Variants in CNTNAP5 observed in about 807,000 individuals in gnomAD.
CNTNAP5 encodes contactin-associated protein-like 5.
CNTNAP5 carries 72 observed loss-of-function variants against 150.2 expected under a neutral mutation model. That is an observed-to-expected ratio of 0.48 (90% CI 0.40 to 0.58). The LOEUF is 0.58. Ranked by LOEUF, CNTNAP5 falls within the 20% of genes least tolerant of loss-of-function variation. CNTNAP5 has a pLI of 0.00. For synonymous variants in CNTNAP5, 672 were observed against 619.8 expected (o/e 1.08, Z -1.25); for missense variants, 1,636 against 1,626.2 (o/e 1.01, Z -0.10).
At chr2:124,804,631 T>C (rs574149029) in intron 19 of CNTNAP5, among the ~76,000 whole-genome samples, 3 of 152,216 alleles carry the variant, frequency 2.0e-5, no homozygotes, top group African/African-American at 7.2e-5. Context: ...TTGAATGCCA[T>C]GTGAGGACAC....
chr2:124,290,575 T>G (rs373289247), intron 3 of CNTNAP5, among the ~76,000 whole-genome samples: 38 of 152,338 alleles, frequency 2.5e-4, no homozygotes, highest in African/African-American at 8.9e-4. Flanking sequence ...CACCTTTGTT[T>G]AGGCAAGTCC....
At chr2:124,364,373 C>A (rs892484720) in intron 3 of CNTNAP5, among the ~76,000 whole-genome samples, 8 of 152,172 alleles carry the variant, frequency 5.3e-5, no homozygotes, top group Admixed American at 2.6e-4. Context: ...AACGTTGCAA[C>A]CTGCCTCACT....
At chr2:124,051,307 G>T (rs1025490430) in intron 1 of CNTNAP5, among the ~76,000 whole-genome samples, 5 of 152,132 alleles carry the variant, frequency 3.3e-5, no homozygotes, top group African/African-American at 1.2e-4. Flanking sequence ...TCTGATGCAG[G>T]CTCCACTCTA....
At chr2:124,666,319 G>A (rs959325060) in intron 13 of CNTNAP5, among the ~76,000 whole-genome samples, 3 of 152,140 alleles carry the variant, frequency 2.0e-5, no homozygotes, top group African/African-American at 7.2e-5. Flanking sequence ...TAAAAATTTG[G>A]AGTCAGCAGA....
chr2:124,055,637 A>T lies in CNTNAP5; in HGVS notation c.82+29905A>T, dbSNP rs534588514. Among the ~76,000 whole-genome samples, 13 of 36,040 alleles carry T rather than the reference A, an allele frequency of 3.6e-4. No individual in the cohort carries two copies. The South Asian group carries it at 6.7e-3, about 18-fold the overall frequency. 23.6% of individuals were successfully genotyped at this position (36,040 alleles called of 152,430 possible). A position where few individuals can be genotyped will look rare whatever the true frequency, so the allele number is the denominator to read the frequency against. On this transcript the variant is annotated intron_variant, in intron 1 of 23. Coordinates refer to ENST00000682447, the MANE Select transcript of CNTNAP5 (RefSeq NM_001367498.1). ...GACCATGGAAACTGAGAGAATCCCAAGTCTTTGTCCCCATCCTGACCTGGA... is the reference window on the plus strand; with the variant it reads ...GACCATGGAAACTGAGAGAATCCCATGTCTTTGTCCCCATCCTGACCTGGA...
chr2:124,261,009 T>C (rs1687439703), intron 3 of CNTNAP5, among the ~76,000 whole-genome samples: 1 of 152,168 alleles, frequency 6.6e-6, no homozygotes, highest in Non-Finnish European at 1.5e-5. Flanking sequence ...ATTTTTATTT[T>C]TTGTGGGTGG....
At chr2:124,726,954 T>C (rs1395090625) in intron 13 of CNTNAP5, among the ~76,000 whole-genome samples, 2 of 152,138 alleles carry the variant, frequency 1.3e-5, no homozygotes, top group East Asian at 3.9e-4. Flanking sequence ...TCTTCTGTTA[T>C]TTTTACAGGT....
chr2:124,087,649 G>A (rs1682723054), intron 1 of CNTNAP5, among the ~76,000 whole-genome samples: 1 of 151,818 alleles, frequency 6.6e-6, no homozygotes. Context: ...TTGAATCTGG[G>A]AGGCGGAGGT....
chr2:124,217,209 C>G (rs879326103), intron 1 of CNTNAP5, among the ~76,000 whole-genome samples: 1 of 151,332 alleles, frequency 6.6e-6, no homozygotes, highest in Admixed American at 6.7e-5. Context: ...TGAGAGAAGC[C>G]TTTTAGTCTC....
Position 124,570,679 on chromosome 2 carries a change from G to A in CNTNAP5, c.1756+7356G>A, listed in dbSNP as rs141867778. Reference sequence around the variant, plus strand: ...GAAGATGGAAGGTGTGGGTACTAGGGACAGATACTGGATGCAATTTGCAAT... The same window carrying A: ...GAAGATGGAAGGTGTGGGTACTAGGAACAGATACTGGATGCAATTTGCAAT... On this transcript the variant is annotated intron_variant, in intron 11 of 23. Transcript: ENST00000682447. 5.8e-4 allele frequency among the ~76,000 whole-genome samples: 89 copies of A among 152,210 alleles called. 1 individual carries two copies. The East Asian group carries it at 0.015, about 26-fold the overall frequency.
intron 13 of CNTNAP5, among the ~76,000 whole-genome samples, chr2:124,742,137 C>G (rs988586654): frequency 6.6e-6 from 1 of 152,176 alleles, no homozygotes; most frequent in Admixed American, 6.5e-5. Context: ...GTTGAAATGA[C>G]TGGGGGAAGT....
chr2:124,541,162 AG>A (rs1443133342), intron 10 of CNTNAP5, among the ~76,000 whole-genome samples: 1 of 105,220 alleles, frequency 9.5e-6, no homozygotes, highest in Non-Finnish European at 2.2e-5. Flanking sequence ...TTAGAGGATA[AG>A]AAGTACAAAA....
chr2:124,038,885 A>G lies in CNTNAP5; in HGVS notation c.82+13153A>G, dbSNP rs1160332421. On this transcript the variant is annotated intron_variant, in intron 1 of 23. Coordinates refer to ENST00000682447, the MANE Select transcript of CNTNAP5 (RefSeq NM_001367498.1). ...TGGAATCCCACCTCAGTCATGGTCC[A>G]TGCCTGGCTGGTGCACAGCAGCAGA... 2.6e-5 allele frequency among the ~76,000 whole-genome samples: 4 copies of G among 152,318 alleles called. No individual in the cohort carries two copies. In the East Asian group the frequency reaches 7.7e-4, roughly 29 times the overall value.
chr2:124,271,344 C>T (rs1483814693), intron 3 of CNTNAP5, among the ~76,000 whole-genome samples: 1 of 152,062 alleles, frequency 6.6e-6, no homozygotes, highest in African/African-American at 2.4e-5. Context: ...AGTAGTGTGG[C>T]TGACATTCTG....
At chr2:124,294,126 T>G (rs1688365589) in intron 3 of CNTNAP5, among the ~76,000 whole-genome samples, 1 of 152,162 alleles carries the variant, frequency 6.6e-6, no homozygotes, top group Admixed American at 6.5e-5. Flanking sequence ...ATGGAAGCTC[T>G]GATTGCATTA....
rs745439806 is a variant in CNTNAP5 at position 124,474,729 on chromosome 2, AC to A, written c.919-6del. ...AAACTAAGAGTTTGTTTCTATTTTCACCCCAAAAGCTTAGTTTTGGAGGAAT... is the reference window on the plus strand; with the variant it reads ...AAACTAAGAGTTTGTTTCTATTTTCACCCAAAAGCTTAGTTTTGGAGGAAT... On this transcript the variant is annotated splice_polypyrimidine_tract_variant and intron_variant, in intron 6 of 23. Transcript: ENST00000682447. The A allele has an allele frequency of 6.5e-7, 1 of 1,541,232 alleles. No homozygotes were observed. Among genetic ancestry groups the A allele is most frequent in the East Asian group, 2.3e-5 (1 of 42,716 alleles).
At chr2:124,508,708 C>T (rs1488837244) in intron 8 of CNTNAP5, among the ~76,000 whole-genome samples, 2 of 152,144 alleles carry the variant, frequency 1.3e-5, no homozygotes, top group Non-Finnish European at 2.9e-5. Context: ...AACCAGAGTT[C>T]CAAAAACTCT....
At chr2:124,460,220 G>A (rs1356220746) in intron 6 of CNTNAP5, among the ~76,000 whole-genome samples, 6 of 152,144 alleles carry the variant, frequency 3.9e-5, no homozygotes, top group Non-Finnish European at 7.4e-5. Flanking sequence ...GGATACTAAA[G>A]CAAGAGGTAA....
chr2:124,824,884 G>A lies in CNTNAP5; in HGVS notation c.3217+26564G>A, dbSNP rs147675053. Among the ~76,000 whole-genome samples the A allele has an allele frequency of 5.9e-3, 899 of 152,222 alleles. 30 individuals carry two copies. Among genetic ancestry groups the A allele is most frequent in the Admixed American group, 0.05 (765 of 15,286 alleles). On this transcript the variant is annotated intron_variant, in intron 19 of 23. Coordinates refer to ENST00000682447, the MANE Select transcript of CNTNAP5 (RefSeq NM_001367498.1). ...ATTTATACACGTTCCAATCCATCTT[G>A]TACTCCTGGATTTAGCATACTCTTA... is the stretch of plus-strand genomic sequence containing the variant.
Sources: gnomAD v4.1 joint callset for allele counts (sites outside exome capture counted in the v4.1 genomes callset) on GRCh38, gnomAD v4.1.1 for gene constraint, MANE v1.5 for transcripts, NCBI Gene and HGNC (gene_info 2026-07-23, HGNC 2026-07-21) for gene names.